DNAH14: variants seen among roughly 807,000 people sequenced by gnomAD.
DNAH14 encodes dynein axonemal heavy chain 14.
A neutral mutation model predicts 520.9 loss-of-function variants in DNAH14; 478 were observed. The ratio of observed to expected loss-of-function variants is 0.92; its 90% CI spans 0.85 to 0.99. DNAH14 has a LOEUF of 0.99. DNAH14 is among the 50% of genes least tolerant of loss of function. The pLI is 0.00. For synonymous variants in DNAH14, 1,581 were observed against 1,757.2 expected (o/e 0.90, Z 2.51); for missense variants, 4,831 against 5,234.5 (o/e 0.92, Z 2.38).
chr1:225,159,951 A>G (rs995503412), intron 35 of DNAH14, among the ~76,000 whole-genome samples: 20 of 152,024 alleles, frequency 1.3e-4, no homozygotes, highest in African/African-American at 4.8e-4. Flanking sequence ...TAAGAACTCA[A>G]TGTCTCTTGT....
intron 15 of DNAH14, among the ~76,000 whole-genome samples, chr1:225,045,397 A>G (rs575765199): frequency 4.6e-5 from 7 of 152,056 alleles, no homozygotes; most frequent in Non-Finnish European, 1.0e-4. Flanking sequence ...TATTAGTATA[A>G]TAGTATTAAT....
intron 66 of DNAH14, among the ~76,000 whole-genome samples, chr1:225,335,298 C>CGTGT (rs1558426169): frequency 1.6e-5 from 2 of 121,998 alleles, no homozygotes; most frequent in Non-Finnish European, 1.8e-5. Context: ...CACATATACA[C>CGTGT]ATGTGTACAC....
intron 1 of DNAH14, among the ~76,000 whole-genome samples, chr1:224,937,495 CAAAG>C (rs1035572409): frequency 6.6e-6 from 1 of 151,724 alleles, no homozygotes; most frequent in Admixed American, 6.6e-5. Flanking sequence ...TCAATCTAAT[CAAAG>C]AAATGAAAGT....
intron 13 of DNAH14, 147 bp from the exon 14 acceptor site, chr1:225,043,597 G>A: frequency 1.6e-6 from 1 of 615,308 alleles, no homozygotes; most frequent in Non-Finnish European, 2.8e-6. Flanking sequence ...GGAATGGGGT[G>A]TACTGCTTCA....
chr1:225,255,001 GA>G (rs954535803), intron 44 of DNAH14, among the ~76,000 whole-genome samples: 21 of 151,982 alleles, frequency 1.4e-4, no homozygotes, highest in African/African-American at 4.3e-4. Context: ...ACTGAAAGGG[GA>G]AAAAAAATGA....
intron 27 of DNAH14, among the ~76,000 whole-genome samples, chr1:225,126,603 TC>T (rs1364202287): frequency 6.6e-6 from 1 of 152,172 alleles, no homozygotes; most frequent in Admixed American, 6.6e-5. Context: ...TCTCTTTTTT[TC>T]TTTATTAGTC....
At position 225,192,914 on chromosome 1, in the gene DNAH14, A is replaced by T; in HGVS notation, c.5886+3A>T. ...CAAGAATCTCAGATTTATCCAATGT[A>T]AGTTTAGTATTGAATGAATGTTTTT... On this transcript the variant is annotated splice_donor_region_variant and intron_variant, in intron 38 of 85. Transcript: ENST00000682510. 6.5e-7 allele frequency: 1 copy of T among 1,538,592 alleles called. No individual in the cohort carries two copies. Among genetic ancestry groups the T allele is most frequent in the Non-Finnish European group, 8.8e-7 (1 of 1,137,094 alleles).
intron 84 of DNAH14, among the ~76,000 whole-genome samples, chr1:225,393,075 T>C (rs546424623): frequency 7.9e-5 from 12 of 152,188 alleles, no homozygotes; most frequent in Non-Finnish European, 1.3e-4. Context: ...CCAGGACTAA[T>C]GCTGGGGAGG....
chr1:225,318,442 C>G, intron 60 of DNAH14, 141 bp from the exon 61 acceptor site: 1 of 699,372 alleles, frequency 1.4e-6, no homozygotes, highest in South Asian at 2.2e-5. Context: ...CATGTGTGCA[C>G]ATATCTAAGT....
At chr1:224,974,358 A>G (rs10915751) in intron 8 of DNAH14, among the ~76,000 whole-genome samples, 6,599 of 152,268 alleles carry the variant, frequency 0.043, 420 homozygotes, top group African/African-American at 0.14. Flanking sequence ...TCATAGAACT[A>G]TGGAAAACCT....
intron 8 of DNAH14, among the ~76,000 whole-genome samples, chr1:224,981,802 T>G (rs2062290104): frequency 6.6e-6 from 1 of 152,230 alleles, no homozygotes; most frequent in Admixed American, 6.5e-5. Context: ...AGTTCTGCTC[T>G]GATCTTGGTT....
intron 43 of DNAH14, among the ~76,000 whole-genome samples, chr1:225,251,972 A>G (rs949384070): frequency 1.3e-5 from 2 of 152,210 alleles, no homozygotes; most frequent in African/African-American, 4.8e-5. Flanking sequence ...TCTCTGATAT[A>G]TTGGTTTGAC....
At chr1:225,320,191 C>G (rs952367163) in intron 61 of DNAH14, among the ~76,000 whole-genome samples, 1 of 152,210 alleles carries the variant, frequency 6.6e-6, no homozygotes, top group African/African-American at 2.4e-5. Flanking sequence ...GATCCTGGCA[C>G]TGCCACTTTC....
chr1:225,280,247 A>G (rs2093596382), intron 54 of DNAH14, among the ~76,000 whole-genome samples: 3 of 152,172 alleles, frequency 2.0e-5, no homozygotes, highest in African/African-American at 7.2e-5. Context: ...AAGAAATAGA[A>G]GGGGGCAGAA....
chr1:225,395,418 C>T (rs2095994061), intron 84 of DNAH14, among the ~76,000 whole-genome samples: 1 of 152,058 alleles, frequency 6.6e-6, no homozygotes, highest in Admixed American at 6.6e-5. Context: ...ACGGTGAAAC[C>T]CCGTCTCTAC....
chr1:225,306,938 G>T (rs2094257349), intron 58 of DNAH14, among the ~76,000 whole-genome samples: 1 of 151,916 alleles, frequency 6.6e-6, no homozygotes, highest in African/African-American at 2.4e-5. Context: ...TATGGGGGGA[G>T]AAAAAGCAAG....
At chr1:225,174,746 G>A (rs950442315) in intron 36 of DNAH14, among the ~76,000 whole-genome samples, 1 of 152,104 alleles carries the variant, frequency 6.6e-6, no homozygotes, top group African/African-American at 2.4e-5. Flanking sequence ...TCTTCATCTT[G>A]TCCCAGATCT....
At position 225,128,830 on chromosome 1, in the gene DNAH14, G is replaced by C. The variant is rs1479082057; in HGVS notation, c.4254+5216G>C. On this transcript the variant is annotated intron_variant, in intron 27 of 85. Transcript: ENST00000682510. The stretch of plus-strand genomic sequence containing the variant: ...AGTTCTGGCCAGGGCAATCAGGCAG[G>C]AGAATGAAATAAAGAGTATTCAATT... Among the ~76,000 whole-genome samples the C allele has an allele frequency of 3.3e-5, 5 of 151,636 alleles. No homozygotes were observed. The South Asian group carries it at 8.3e-4, about 25-fold the overall frequency.
At chr1:225,332,802 C>T (rs536839518) in intron 65 of DNAH14, among the ~76,000 whole-genome samples, 117 of 142,126 alleles carry the variant, frequency 8.2e-4, no homozygotes, top group African/African-American at 2.9e-3. Context: ...TAAGACCAAC[C>T]GGGCAATGTA....
Sources: allele counts gnomAD v4.1 joint callset (sites outside exome capture counted in the v4.1 genomes callset), GRCh38; gene constraint gnomAD v4.1.1; transcripts MANE v1.5; gene names NCBI Gene and HGNC (gene_info 2026-07-23, HGNC 2026-07-21).